DIAPH2: variants seen among roughly 807,000 people sequenced by gnomAD.
DIAPH2 encodes the protein diaphanous related formin 2.
A neutral mutation model predicts 92.7 loss-of-function variants in DIAPH2; 35 were observed. That is an observed-to-expected ratio of 0.38 (90% CI 0.29 to 0.50). The LOEUF (loss-of-function observed/expected upper bound fraction) is 0.50. Among genes scored for constraint, DIAPH2 ranks in the 20% least tolerant of loss-of-function variants. The pLI, the probability that DIAPH2 is intolerant of heterozygous loss-of-function variation, is 0.94. For synonymous variants in DIAPH2, 301 were observed against 280.4 expected (o/e 1.07, Z -0.73); for missense variants, 701 against 819.5 (o/e 0.86, Z 1.77).
rs777627269 is a variant in DIAPH2 at position 97,285,682 on chromosome X, C to T, written c.2844+37843C>T. 4.5e-5 allele frequency among the ~76,000 whole-genome samples: 5 copies of T among 110,556 alleles called. No homozygotes were observed. In the East Asian group the frequency reaches 1.2e-3, roughly 26 times the overall value. ...AGTGATCTTGGCTCACTGCAACCTC[C>T]GCTTCCTGGGTTCAAGTGGTTCTCC... On this transcript the variant is annotated intron_variant, in intron 23 of 26. Transcript: ENST00000324765.
intron 2 of DIAPH2, among the ~76,000 whole-genome samples, chrX:96,736,696 C>T (rs1421933678): frequency 1.8e-5 from 2 of 112,259 alleles, no homozygotes; most frequent in Admixed American, 9.4e-5. Context: ...AGCCACCGCA[C>T]CCAGCCAACT....
intron 25 of DIAPH2, among the ~76,000 whole-genome samples, chrX:97,387,874 G>A (rs140457599): frequency 0.012 from 1,299 of 111,577 alleles, 18 homozygotes; most frequent in African/African-American, 0.04. Flanking sequence ...ATTTTCTCAG[G>A]AGAGTTACAA....
chrX:96,806,872 C>T (rs976267891), intron 4 of DIAPH2, among the ~76,000 whole-genome samples: 6 of 107,652 alleles, frequency 5.6e-5, no homozygotes, highest in Non-Finnish European at 1.2e-4. Context: ...TCCCGAGTAG[C>T]TGGGACTACA....
At chrX:97,426,716 A>G (rs2070069101) in intron 25 of DIAPH2, among the ~76,000 whole-genome samples, 1 of 112,090 alleles carries the variant, frequency 8.9e-6, no homozygotes, top group Non-Finnish European at 1.9e-5. Flanking sequence ...TGCCCAGTAC[A>G]GTAACCACCA....
At chrX:96,884,250 C>A (rs2065241494) in intron 5 of DIAPH2, 2 of 1,054,367 alleles carry the variant, frequency 1.9e-6, no homozygotes, top group Admixed American at 5.2e-5. Context: ...AACTCAAAGC[C>A]GTCCGTGGAG....
intron 26 of DIAPH2, among the ~76,000 whole-genome samples, chrX:97,542,754 C>T (rs1458259361): frequency 2.7e-5 from 3 of 111,133 alleles, no homozygotes; most frequent in Non-Finnish European, 5.6e-5. Context: ...TATATCATTA[C>T]GTATCCTGGA....
At chrX:97,164,243 A>G (rs762381718) in intron 22 of DIAPH2, among the ~76,000 whole-genome samples, 2 of 112,224 alleles carry the variant, frequency 1.8e-5, no homozygotes, top group South Asian at 7.5e-4. Flanking sequence ...CTAAGTGACA[A>G]TGCAAAACAA....
intron 26 of DIAPH2, chrX:97,564,232 A>C (rs1328998111): frequency 3.6e-5 from 4 of 112,587 alleles, no homozygotes; most frequent in Non-Finnish European, 5.6e-5. Flanking sequence ...GGCTATGCTC[A>C]GTGTTTTTGA....
At chrX:97,570,107 T>TTAGAAG (rs1299076140) in intron 26 of DIAPH2, among the ~76,000 whole-genome samples, 15 of 32,034 alleles carry the variant, frequency 4.7e-4, no homozygotes, top group African/African-American at 1.4e-3. Flanking sequence ...TATATATATA[T>TTAGAAG]ATATATATAT....
chrX:97,199,360 A>G (rs1403500877), intron 22 of DIAPH2, among the ~76,000 whole-genome samples: 4 of 111,001 alleles, frequency 3.6e-5, no homozygotes, highest in Non-Finnish European at 7.5e-5. Flanking sequence ...GAATATGTGT[A>G]TACATGCATA....
At chrX:96,793,394 C>G (rs1421581481) in intron 4 of DIAPH2, among the ~76,000 whole-genome samples, 1 of 112,611 alleles carries the variant, frequency 8.9e-6, no homozygotes, top group Non-Finnish European at 1.9e-5. Flanking sequence ...GTCTCCAGCT[C>G]CTGATCACAG....
At chrX:96,757,830 G>T (rs1313642884) in intron 3 of DIAPH2, among the ~76,000 whole-genome samples, 1 of 111,807 alleles carries the variant, frequency 8.9e-6, no homozygotes, top group Non-Finnish European at 1.9e-5. Flanking sequence ...GATAAATAAA[G>T]AGCTTTGTTA....
chrX:97,579,385 C>T (rs1437915283), intron 26 of DIAPH2, among the ~76,000 whole-genome samples: 13 of 110,697 alleles, frequency 1.2e-4, no homozygotes, highest in Admixed American at 2.9e-4. Context: ...CAGCTTTCTA[C>T]ATATGGCTAG....
intron 17 of DIAPH2, among the ~76,000 whole-genome samples, chrX:97,051,895 C>G (rs2066522793): frequency 8.9e-6 from 1 of 111,987 alleles, no homozygotes; most frequent in South Asian, 3.7e-4. Flanking sequence ...ATTTGAGATG[C>G]TCATGATTGT....
At chrX:97,058,688 C>T (rs1484981945) in intron 17 of DIAPH2, among the ~76,000 whole-genome samples, 1 of 110,659 alleles carries the variant, frequency 9.0e-6, no homozygotes, top group Non-Finnish European at 1.9e-5. Flanking sequence ...TTTAGTTACA[C>T]CTTGAAGACA....
Position 97,401,086 on chromosome X carries a change from C to G in DIAPH2, c.3145+17042C>G, listed in dbSNP as rs774996794. ...TTTCAGAGCATCCATCTGGAATTAA[C>G]TCTTTTTGCCTGAAATACTCTTTCC... On this transcript the variant is annotated intron_variant, in intron 25 of 26. Transcript: ENST00000324765. Among the ~76,000 whole-genome samples, 8 of 110,060 alleles carry G rather than the reference C, an allele frequency of 7.3e-5. No homozygotes were observed. The East Asian group carries it at 2.0e-3, about 27-fold the overall frequency.
At chrX:97,391,938 C>T (rs748802307) in intron 25 of DIAPH2, among the ~76,000 whole-genome samples, 3 of 111,378 alleles carry the variant, frequency 2.7e-5, no homozygotes, top group Non-Finnish European at 3.8e-5. Flanking sequence ...AAAAAAATAC[C>T]ATGTACCAAG....
rs2071604257 is a variant in DIAPH2 at position 97,603,110 on chromosome X, C to CTTTTCTA, written c.*3793_*3794insTTTTCTA. The CTTTTCTA allele has an allele frequency of 9.6e-6, 1 of 104,199 alleles. No homozygotes were observed. Among genetic ancestry groups the CTTTTCTA allele is most frequent in the Non-Finnish European group, 2.0e-5 (1 of 51,260 alleles). 8.6% of individuals were successfully genotyped at this position (104,199 alleles called of 1,213,427 possible). A position where few individuals can be genotyped will look rare whatever the true frequency, so the allele number is the denominator to read the frequency against. ...CACCCTTGGGCTTATCTACAGAGCA[C>CTTTTCTA]ACTTTTCTAACAGTGAATCTCCTAA... On this transcript the variant is annotated 3_prime_UTR_variant, in exon 27 of 27. Coordinates refer to ENST00000324765, the MANE Select transcript of DIAPH2 (RefSeq NM_006729.5).
chrX:96,918,838 A>G (rs1348568535), intron 9 of DIAPH2, among the ~76,000 whole-genome samples: 1 of 112,245 alleles, frequency 8.9e-6, no homozygotes, highest in East Asian at 2.8e-4. Context: ...TATTTAGACA[A>G]GAATTTAGTA....
Sources: gnomAD v4.1 joint callset for allele counts (sites outside exome capture counted in the v4.1 genomes callset) on GRCh38, gnomAD v4.1.1 for gene constraint, MANE v1.5 for transcripts, NCBI Gene and HGNC (gene_info 2026-07-23, HGNC 2026-07-21) for gene names.